PKM: variants seen among roughly 807,000 people sequenced by gnomAD.
The protein encoded by PKM is pyruvate kinase PKM.
Under a neutral mutation model 49.8 loss-of-function variants are expected in PKM, and 18 were observed. The ratio of observed to expected loss-of-function variants is 0.36; its 90% CI spans 0.25 to 0.54. The LOEUF is 0.54. Among genes scored for constraint, PKM ranks in the 20% least tolerant of loss-of-function variants. The probability of loss-of-function intolerance (pLI) is 0.89; values close to 1 mark genes in which losing one functional copy is unlikely to be tolerated. For synonymous variants in PKM, 239 were observed against 261.8 expected (o/e 0.91, Z 0.84); for missense variants, 508 against 713.8 (o/e 0.71, Z 3.28).
At chr15:72,223,170 A>C (rs1192082260) in intron 1 of PKM, among the ~76,000 whole-genome samples, 1 of 151,528 alleles carries the variant, frequency 6.6e-6, no homozygotes. Flanking sequence ...CACGAACCAC[A>C]CCCAACTCCC....
Position 72,216,120 on chromosome 15 carries a change from C to T in PKM, c.246+1289G>A, listed in dbSNP as rs1411018262. On this transcript the variant is annotated intron_variant, in intron 3 of 10. Coordinates refer to ENST00000335181, the MANE Select transcript of PKM (RefSeq NM_002654.6). ...CACTCTTGGATTGCATTTCCTGAGG[C>T]TTTATTTTTAGTCCAAACTTAATAC... Among the ~76,000 whole-genome samples the T allele has an allele frequency of 2.0e-5, 3 of 152,196 alleles. No homozygotes were observed. The East Asian group carries it at 5.8e-4, about 29-fold the overall frequency.
chr15:72,206,910 T>C lies in PKM; in HGVS notation c.988-30A>G, dbSNP rs762565660. On this transcript the variant is annotated intron_variant, in intron 7 of 10. Transcript: ENST00000335181. ...GAGGGGACAGAGCATTAGTGAGATGTAGCTTGAGCTGTCTTCAGAGACAAA... is the reference window on the plus strand; with the variant it reads ...GAGGGGACAGAGCATTAGTGAGATGCAGCTTGAGCTGTCTTCAGAGACAAA... 4.3e-6 allele frequency: 7 copies of C among 1,612,602 alleles called. No homozygotes were observed. The South Asian group carries it at 4.4e-5, about 10-fold the overall frequency.
intron 8 of PKM, among the ~76,000 whole-genome samples, chr15:72,205,631 T>G (rs911616629): frequency 1.3e-4 from 19 of 150,222 alleles, no homozygotes; most frequent in Admixed American, 8.6e-4. Flanking sequence ...TTAGTTTTTT[T>G]TTTTTTTTTT....
chr15:72,223,918 TAA>T (rs11432818), intron 1 of PKM, among the ~76,000 whole-genome samples: 19 of 140,346 alleles, frequency 1.4e-4, no homozygotes, highest in Admixed American at 5.0e-4. Context: ...TCCCTGGCTT[TAA>T]AAAAAAAAAA....
At chr15:72,212,111 T>C (rs2082268114) in intron 3 of PKM, among the ~76,000 whole-genome samples, 1 of 152,204 alleles carries the variant, frequency 6.6e-6, no homozygotes, top group Non-Finnish European at 1.5e-5. Flanking sequence ...GGCTTGTCTG[T>C]TTTTTATAGG....
Position 72,202,895 on chromosome 15 carries a change from C to A in PKM, c.1141-275G>T, listed in dbSNP as rs1018134239. The A allele has an allele frequency of 9.9e-7, 1 of 1,006,614 alleles. No homozygotes were observed. The highest frequency in any genetic ancestry group is 1.6e-6 in the Non-Finnish European group (1 of 645,096). The allele number at this position is 1,006,614 out of a possible 1,614,324, so 62.4% of individuals were successfully genotyped here. On this transcript the variant is annotated intron_variant, in intron 8 of 10. Coordinates refer to ENST00000335181, the MANE Select transcript of PKM (RefSeq NM_002654.6). This position sits in a 1 kb window ranked among gnomAD's most constrained non-coding sequence, Gnocchi z 4.5. ...TCCTGCCCTGCCATGACCTCCCTGG[C>A]GGTGTTCCTACAGACGAGAAGAGGC...
At chr15:72,211,960 G>C (rs896962694) in intron 3 of PKM, among the ~76,000 whole-genome samples, 3 of 152,168 alleles carry the variant, frequency 2.0e-5, no homozygotes, top group African/African-American at 7.2e-5. Flanking sequence ...AGTGGCACCT[G>C]CAAGTAAGCC....
intron 4 of PKM, 76 bp from the exon 5 acceptor site, chr15:72,209,935 C>T: frequency 1.6e-6 from 2 of 1,239,528 alleles, no homozygotes; most frequent in South Asian, 1.2e-5. Flanking sequence ...AATGGAAAAG[C>T]TCTTTCCTCC....
chr15:72,215,124 C>G (rs1358755167), intron 3 of PKM, among the ~76,000 whole-genome samples: 2 of 152,110 alleles, frequency 1.3e-5, no homozygotes, highest in Admixed American at 6.6e-5. Context: ...TTGCTTGAAC[C>G]TGGGAGGCAG....
chr15:72,221,181 G>T, intron 1 of PKM: 1 of 1,531,904 alleles, frequency 6.5e-7, no homozygotes, highest in East Asian at 2.4e-5. Flanking sequence ...TGGTTCTCTG[G>T]GGTTGGGCTT....
At position 72,209,978 on chromosome 15, in the gene PKM, A is replaced by G. The variant is rs1166522697; in HGVS notation, c.379-119T>C. 5 of 874,206 alleles carry G rather than the reference A, an allele frequency of 5.7e-6. No individual in the cohort carries two copies. In the Admixed American group the frequency reaches 8.8e-5, roughly 15 times the overall value. 54.2% of individuals were successfully genotyped at this position (874,206 alleles called of 1,614,324 possible). A position where few individuals can be genotyped will look rare whatever the true frequency, so the allele number is the denominator to read the frequency against. ...AATGCTCAAGTCACTGCTAAAAGTA[A>G]TACAGTTTTTTGCTCTTATTCTCTA... On this transcript the variant is annotated intron_variant, in intron 4 of 10. Transcript: ENST00000335181.
Position 72,200,873 on chromosome 15 carries a change from C to T in PKM, c.1308-218G>A. 1.8e-6 allele frequency: 1 copy of T among 545,904 alleles called. No individual in the cohort carries two copies. The highest frequency in any genetic ancestry group is 3.3e-6 in the Non-Finnish European group (1 of 304,544). The allele number at this position is 545,904 out of a possible 1,614,324, so 33.8% of individuals were successfully genotyped here. On this transcript the variant is annotated intron_variant, in intron 9 of 10. Transcript: ENST00000335181. This position sits in a 1 kb window ranked among gnomAD's most constrained non-coding sequence, Gnocchi z 4.6. ...CCATTTGCCCTCTACCCCCATTCCACAGGCCAAGGGCTCAGGATCACCTTG... is the reference window on the plus strand; with the variant it reads ...CCATTTGCCCTCTACCCCCATTCCATAGGCCAAGGGCTCAGGATCACCTTG...
intron 1 of PKM, among the ~76,000 whole-genome samples, chr15:72,221,600 GATATAA>G (rs2082526441): frequency 2.6e-5 from 4 of 151,796 alleles, no homozygotes; most frequent in South Asian, 2.1e-4. Flanking sequence ...CAAATTTACT[GATATAA>G]ATATAAAAAT....
intron 3 of PKM, among the ~76,000 whole-genome samples, chr15:72,215,260 A>G (rs1430192767): frequency 6.6e-6 from 1 of 152,180 alleles, no homozygotes; most frequent in Admixed American, 6.5e-5. Flanking sequence ...TGTCAGAGTG[A>G]GAGGGAAGAC....
intron 1 of PKM, 196 bp from the exon 2 acceptor site, chr15:72,219,306 T>C (rs2082461571): frequency 3.5e-6 from 2 of 569,694 alleles, no homozygotes; most frequent in Non-Finnish European, 6.3e-6. Context: ...TTGTGAACAA[T>C]GGAAAGGACC....
In PKM at chr15:72,208,721, G is replaced by A. The variant is rs2082152011; in HGVS notation, c.736C>T (p.Arg246Cys). ...DVDMVFASFI[R>C]KASDVHEVRK... ...ACTTCATGGACATCAGATGCCTTGCGGATGAATGACGCAAACACCATATCA... is the reference window on the plus strand; with the variant it reads ...ACTTCATGGACATCAGATGCCTTGCAGATGAATGACGCAAACACCATATCA... The change falls in exon 6 of 11, where the codon CGC (arginine) becomes TGC (cysteine). Residue 246 changes from arginine to cysteine, a missense_variant. Coordinates refer to ENST00000335181, the MANE Select transcript of PKM (RefSeq NM_002654.6). 8 of 1,613,962 alleles carry A rather than the reference G, an allele frequency of 5.0e-6. No individual in the cohort carries two copies. The highest frequency in any genetic ancestry group is 1.1e-5 in the South Asian group (1 of 91,080).
chr15:72,228,667 C>G, intron 1 of PKM: 2 of 1,277,090 alleles, frequency 1.6e-6, no homozygotes, highest in Non-Finnish European at 1.0e-6. Context: ...TTTGGTGATA[C>G]GTTACATTTC....
At chr15:72,209,064 A>G (rs1328064039) in intron 5 of PKM, 173 bp from the exon 6 acceptor site, 3 of 672,706 alleles carry the variant, frequency 4.5e-6, no homozygotes, top group East Asian at 5.4e-5. Flanking sequence ...AAGCCATTTA[A>G]CCTCTCTGTA....
At position 72,212,120 on chromosome 15, in the gene PKM, G is replaced by C. The variant is rs556273138; in HGVS notation, c.247-1642C>G. Among the ~76,000 whole-genome samples the C allele has an allele frequency of 9.2e-5, 14 of 152,212 alleles. No individual in the cohort carries two copies. In the South Asian group the frequency reaches 2.7e-3, roughly 29 times the overall value. On this transcript the variant is annotated intron_variant, in intron 3 of 10. Coordinates refer to ENST00000335181, the MANE Select transcript of PKM (RefSeq NM_002654.6). ...ACCCTTGGCTTGTCTGTTTTTTATA[G>C]GGTTCCTTATAAATTATGATATTTT...
Sources: gnomAD v4.1 joint callset for allele counts (sites outside exome capture counted in the v4.1 genomes callset) on GRCh38, gnomAD v4.1.1 for gene constraint, Gnocchi (gnomAD v3.1) non-coding constraint, MANE v1.5 for transcripts, NCBI Gene and HGNC (gene_info 2026-07-23, HGNC 2026-07-21) for gene names.